Variants in XIRP2 observed in about 807,000 individuals in gnomAD.
The protein encoded by XIRP2 is xin actin-binding repeat-containing protein 2.
XIRP2 carries 236 observed loss-of-function variants against 277.0 expected under a neutral mutation model. The ratio of observed to expected loss-of-function variants is 0.85; its 90% confidence interval spans 0.77 to 0.95. The LOEUF (loss-of-function observed/expected upper bound fraction) is 0.95, where lower values mean the gene tolerates loss of function less well. Among genes scored for constraint, XIRP2 ranks in the 40% least tolerant of loss-of-function variants. XIRP2 has a pLI of 0.00. For missense variants in XIRP2, 4,640 were observed against 4,157.5 expected, an observed-to-expected ratio of 1.12 and a Z score of -3.19; for synonymous variants, 1,490 against 1,416.5, an observed-to-expected ratio of 1.05 and a Z score of -1.17.
intron 1 of XIRP2, among the ~76,000 whole-genome samples, chr2:166,901,532 G>C (rs978999942): frequency 2.0e-5 from 3 of 151,914 alleles, no homozygotes; most frequent in African/African-American, 7.3e-5. Context: ...CAGTTTTTCT[G>C]CCTCTCAGCT....
At chr2:166,955,432 G>T (rs1686136703) in intron 2 of XIRP2, among the ~76,000 whole-genome samples, 1 of 151,680 alleles carries the variant, frequency 6.6e-6, no homozygotes, top group Non-Finnish European at 1.5e-5. Flanking sequence ...GGGGCAAGAG[G>T]ATTAACAGTA....
chr2:167,178,486 A>G (rs1375036151), intron 3 of XIRP2, among the ~76,000 whole-genome samples: 2 of 152,078 alleles, frequency 1.3e-5, no homozygotes, highest in Non-Finnish European at 2.9e-5. Context: ...CCATTTTGTT[A>G]CCTTTACTAA....
Position 167,244,507 on chromosome 2 carries a change from A to C in XIRP2, c.3115A>C (p.Ile1039Leu). Reference sequence around the variant, plus strand: ...TGAAAGCATTCATAAATTTCAAATAATTAGAGGAATATCTGCTCAAGAAAT... The same window carrying C: ...TGAAAGCATTCATAAATTTCAAATACTTAGAGGAATATCTGCTCAAGAAAT... ...FDESIHKFQI[I>L]RGISAQEIQT... The change falls in exon 9 of 11, where the codon ATT becomes CTT. Residue 1039 changes from isoleucine to leucine, a missense_variant. Physicochemically the swap from Ile to Leu is conservative, Grantham distance 5 (BLOSUM62 2). Transcript: ENST00000409195. The C allele has an allele frequency of 6.2e-7, 1 of 1,613,676 alleles. No individual in the cohort carries two copies. Among genetic ancestry groups the C allele is most frequent in the South Asian group, 1.1e-5 (1 of 91,044 alleles).
At chr2:167,066,027 A>T (rs1689295027) in intron 2 of XIRP2, among the ~76,000 whole-genome samples, 1 of 151,874 alleles carries the variant, frequency 6.6e-6, no homozygotes, top group African/African-American at 2.4e-5. Context: ...TCATTAATAA[A>T]CATATCCATC....
intron 2 of XIRP2, among the ~76,000 whole-genome samples, chr2:167,034,702 A>G (rs1326647060): frequency 6.6e-6 from 1 of 152,220 alleles, no homozygotes; most frequent in Non-Finnish European, 1.5e-5. Flanking sequence ...AGGGCATTAC[A>G]TACTGATAAA....
At chr2:167,089,794 C>T (rs1040295116) in intron 2 of XIRP2, among the ~76,000 whole-genome samples, 2 of 152,118 alleles carry the variant, frequency 1.3e-5, no homozygotes, top group East Asian at 1.9e-4. Flanking sequence ...AAAGTTCTAT[C>T]GAAACGCAGC....
chr2:167,164,509 T>C (rs1692467660), intron 3 of XIRP2, among the ~76,000 whole-genome samples: 1 of 151,312 alleles, frequency 6.6e-6, no homozygotes, highest in Non-Finnish European at 1.5e-5. Context: ...CAAGAAATCT[T>C]ACCAGAGTTG....
At position 167,214,126 on chromosome 2, in the gene XIRP2, GAAGGAAGGAAGC is replaced by G. The variant is rs1238689126; in HGVS notation, c.723+3234_723+3245del. Among the ~76,000 whole-genome samples, 62 of 124,020 alleles carry G rather than the reference GAAGGAAGGAAGC, an allele frequency of 5.0e-4. 1 individual carries two copies. Among genetic ancestry groups the G allele is most frequent in the African/African-American group, 2.1e-3 (60 of 27,996 alleles). 81.4% of individuals were successfully genotyped at this position (124,020 alleles called of 152,430 possible). A position where few individuals can be genotyped will look rare whatever the true frequency, so the allele number is the denominator to read the frequency against. ...GGAAGGAAGGAAGGAAGGAAGGAAG[GAAGGAAGGAAGC>G]AAAGAGAAAGAGAAAGAAGGAAAGA... On this transcript the variant is annotated intron_variant, in intron 4 of 10. Coordinates refer to ENST00000409195, the MANE Select transcript of XIRP2 (RefSeq NM_152381.6).
At chr2:167,146,133 G>A (rs1344074524) in intron 3 of XIRP2, among the ~76,000 whole-genome samples, 1 of 151,186 alleles carries the variant, frequency 6.6e-6, no homozygotes, top group Non-Finnish European at 1.5e-5. Flanking sequence ...TTTTAACACA[G>A]CAGATATGTT....
intron 5 of XIRP2, among the ~76,000 whole-genome samples, chr2:167,236,338 T>C (rs947662465): frequency 5.9e-5 from 9 of 152,064 alleles, no homozygotes; most frequent in Non-Finnish European, 1.3e-4. Flanking sequence ...TCTTTCCCTA[T>C]AATGATATAA....
chr2:166,937,186 T>G (rs968814564), intron 2 of XIRP2, among the ~76,000 whole-genome samples: 7 of 152,224 alleles, frequency 4.6e-5, no homozygotes, highest in Admixed American at 3.3e-4. Context: ...AAGGGAATGC[T>G]TCCAGTTTTT....
intron 2 of XIRP2, among the ~76,000 whole-genome samples, chr2:167,026,135 G>A (rs1688150436): frequency 6.6e-6 from 1 of 152,206 alleles, no homozygotes; most frequent in South Asian, 2.1e-4. Context: ...GAATCTGGGT[G>A]CTCCTGTATT....
rs189085688 is a variant in XIRP2, at chr2:167,120,472, A to T, written c.409-15437A>T. On this transcript the variant is annotated intron_variant, in intron 2 of 10. Transcript: ENST00000409195. ...TGATAGCACAGTCTCCAAGGCATTTAAGACATCGTAAGGGTATTGTTTTAA... is the reference window on the plus strand; with the variant it reads ...TGATAGCACAGTCTCCAAGGCATTTTAGACATCGTAAGGGTATTGTTTTAA... Among the ~76,000 whole-genome samples the T allele has an allele frequency of 6.6e-5, 10 of 152,270 alleles. 1 individual carries two copies. The highest frequency in any genetic ancestry group is 2.4e-4 in the African/African-American group (10 of 41,546).
At chr2:167,055,355 A>T (rs1470311291) in intron 2 of XIRP2, among the ~76,000 whole-genome samples, 1 of 152,166 alleles carries the variant, frequency 6.6e-6, no homozygotes, top group Non-Finnish European at 1.5e-5. Context: ...CTATGTAGTG[A>T]TTTTCCTACT....
intron 2 of XIRP2, among the ~76,000 whole-genome samples, chr2:167,087,957 G>A (rs2105271471): frequency 6.6e-6 from 1 of 152,200 alleles, no homozygotes; most frequent in South Asian, 2.1e-4. Context: ...CGGCCATCTT[G>A]GCTCCTCCCC....
intron 5 of XIRP2, among the ~76,000 whole-genome samples, chr2:167,232,152 T>G (rs73029744): frequency 0.022 from 3,292 of 152,140 alleles, 86 homozygotes; most frequent in East Asian, 0.09. Flanking sequence ...TGTTTTTTAC[T>G]GTCAAAATGG....
intron 1 of XIRP2, among the ~76,000 whole-genome samples, chr2:166,901,995 A>C (rs1371662193): frequency 1.3e-5 from 2 of 152,032 alleles, no homozygotes; most frequent in Non-Finnish European, 2.9e-5. Flanking sequence ...TTTAACAGTT[A>C]TTGGGGTGTT....
At chr2:167,167,053 T>G (rs1437331618) in intron 3 of XIRP2, among the ~76,000 whole-genome samples, 1 of 152,226 alleles carries the variant, frequency 6.6e-6, no homozygotes, top group Non-Finnish European at 1.5e-5. Context: ...ATTGTTGTGT[T>G]GAACAACTGC....
intron 2 of XIRP2, among the ~76,000 whole-genome samples, chr2:167,085,886 C>A (rs1689926371): frequency 6.6e-6 from 1 of 152,180 alleles, no homozygotes; most frequent in Non-Finnish European, 1.5e-5. Flanking sequence ...AGGGTCTTGA[C>A]TCTTTATCCA....
Sources: gnomAD v4.1 joint callset for allele counts (sites outside exome capture counted in the v4.1 genomes callset) on GRCh38, gnomAD v4.1.1 for gene constraint, MANE v1.5 for transcripts, NCBI Gene and HGNC (gene_info 2026-07-23, HGNC 2026-07-21) for gene names.